Variants in RAI1 observed in about 807,000 individuals in gnomAD.
RAI1 encodes the protein retinoic acid-induced protein 1.
RAI1 carries 9 observed loss-of-function variants against 123.8 expected under a neutral mutation model. The ratio of observed to expected loss-of-function variants is 0.07; its 90% CI spans 0.04 to 0.13. The LOEUF is 0.13. RAI1 is among the 10% of genes least tolerant of loss of function. RAI1 has a pLI of 1.00. For synonymous variants in RAI1, 1,231 were observed against 1,127.3 expected, an observed-to-expected ratio of 1.09 and a Z score of -1.84; for missense variants, 2,256 against 2,545.8, an observed-to-expected ratio of 0.89 and a Z score of 2.45.
Position 17,799,053 on chromosome 17 carries a change from G to A in RAI1, c.5565+540G>A, listed in dbSNP as rs1419253965. 6.6e-6 allele frequency among the ~76,000 whole-genome samples: 1 copy of A among 152,150 alleles called. No homozygotes were observed. Among genetic ancestry groups the A allele is most frequent in the East Asian group, 1.9e-4 (1 of 5,192 alleles). On this transcript the variant is annotated intron_variant, in intron 3 of 5. Coordinates refer to ENST00000353383, the MANE Select transcript of RAI1 (RefSeq NM_030665.4). This position sits in a 1 kb window ranked among gnomAD's most constrained non-coding sequence, Gnocchi z 4.5. Reference sequence around the variant, plus strand: ...CTCCCTCTGCAGGACAGTCCATGGGGTCACACAGTCACAACAGGCAGGGCG... The same window carrying A: ...CTCCCTCTGCAGGACAGTCCATGGGATCACACAGTCACAACAGGCAGGGCG...
At chr17:17,715,629 T>G (rs1257556317) in intron 1 of RAI1, among the ~76,000 whole-genome samples, 9 of 152,134 alleles carry the variant, frequency 5.9e-5, no homozygotes, top group Non-Finnish European at 1.3e-4. Context: ...TGGTAGAAAT[T>G]CAGATAGCAC....
At chr17:17,764,756 G>A (rs1275756578) in intron 2 of RAI1, among the ~76,000 whole-genome samples, 1 of 152,162 alleles carries the variant, frequency 6.6e-6, no homozygotes, top group Non-Finnish European at 1.5e-5. Flanking sequence ...CTGCCACCAC[G>A]CCTAACTAAT....
chr17:17,773,290 T>TGGAGAGAAGGTGGAGGCTTCAGCA (rs2031230275), intron 2 of RAI1, among the ~76,000 whole-genome samples: 2 of 152,106 alleles, frequency 1.3e-5, no homozygotes, highest in African/African-American at 4.8e-5. Context: ...CAGGATGAGC[T>TGGAGAGAAGGTGGAGGCTTCAGCA]GGAGAGAAGG....
intron 2 of RAI1, among the ~76,000 whole-genome samples, chr17:17,792,017 G>T (rs1296569710): frequency 6.6e-6 from 1 of 152,200 alleles, no homozygotes; most frequent in Non-Finnish European, 1.5e-5. Flanking sequence ...GCCAGGAGGG[G>T]ACAGGGCTGT....
chr17:17,701,557 C>T (rs1915224715), intron 1 of RAI1, among the ~76,000 whole-genome samples: 1 of 151,916 alleles, frequency 6.6e-6, no homozygotes, highest in South Asian at 2.1e-4. Flanking sequence ...GTCCCCTTTC[C>T]CTCCCCTCTC....
rs149164900 is a variant in RAI1 at position 17,794,554 on chromosome 17, C to T, written c.1606C>T (p.Arg536Cys). The change falls in exon 3 of 6, where the codon CGT (arginine) becomes TGT (cysteine). Residue 536 changes from arginine to cysteine, a missense_variant. By Grantham distance (180) the Arg-to-Cys change is radical. Around this residue, in one of 7 missense-constraint regions of RAI1, gnomAD observed 357 missense variants for 480.2 expected, o/e 0.74. Transcript: ENST00000353383. ...CAGCTTCCTCTACTGCAACCAGGCC[C>T]GTGGCAGCCCTGCCAGGGTCAACAG... ...ERSFLYCNQA[R>C]GSPARVNSNS... The T allele has an allele frequency of 1.9e-5, 30 of 1,613,060 alleles. No individual in the cohort carries two copies. The highest frequency in any genetic ancestry group is 1.6e-4 in the Middle Eastern group (1 of 6,084).
At chr17:17,751,756 C>T (rs1165303302) in intron 2 of RAI1, among the ~76,000 whole-genome samples, 1 of 152,152 alleles carries the variant, frequency 6.6e-6, no homozygotes, top group East Asian at 1.9e-4. Flanking sequence ...TCTCAAATTA[C>T]CTCTCTTGAT....
rs1474011214 is a variant in RAI1, at chr17:17,809,239, T to G, written c.5660-151T>G. 16 of 768,708 alleles carry G rather than the reference T, an allele frequency of 2.1e-5. No homozygotes were observed. The highest frequency in any genetic ancestry group is 3.0e-5 in the Non-Finnish European group (13 of 431,944). 47.6% of individuals were successfully genotyped at this position (768,708 alleles called of 1,614,324 possible). A position where few individuals can be genotyped will look rare whatever the true frequency, so the allele number is the denominator to read the frequency against. On this transcript the variant is annotated intron_variant, in intron 4 of 5. Coordinates refer to ENST00000353383, the MANE Select transcript of RAI1 (RefSeq NM_030665.4). This position sits in a 1 kb window ranked among gnomAD's most constrained non-coding sequence, Gnocchi z 4.9. ...GTGGAGTGGAGTGGAGTGTGGAGGG[T>G]TTTGTGCAGAATCTGATTAACTCTT...
rs529752687 is a variant in RAI1 at position 17,810,140 on chromosome 17, C to G, written c.*159C>G. 2.2e-5 allele frequency: 24 copies of G among 1,084,368 alleles called. No individual in the cohort carries two copies. In the African/African-American group the frequency reaches 3.8e-4, roughly 17 times the overall value. 67.2% of individuals were successfully genotyped at this position (1,084,368 alleles called of 1,614,324 possible). A position where few individuals can be genotyped will look rare whatever the true frequency, so the allele number is the denominator to read the frequency against. ...GGTCCCGGATCGTGGATCCGGCCGC[C>G]TAGGGCTCAGACTTGCGGCCCCGGG... On this transcript the variant is annotated 3_prime_UTR_variant, in exon 6 of 6. Coordinates refer to ENST00000353383, the MANE Select transcript of RAI1 (RefSeq NM_030665.4). The surrounding 1 kb of genome is among the most constrained non-coding windows in gnomAD (Gnocchi z 4.6).
intron 2 of RAI1, chr17:17,778,507 C>G (rs1373529662): frequency 2.9e-6 from 1 of 347,446 alleles, no homozygotes; most frequent in Non-Finnish European, 5.7e-6. Flanking sequence ...TGCCCAAGGT[C>G]ACCCAGCATA....
intron 1 of RAI1, among the ~76,000 whole-genome samples, chr17:17,717,260 G>T (rs745674075): frequency 6.6e-6 from 1 of 152,186 alleles, no homozygotes; most frequent in Non-Finnish European, 1.5e-5. Context: ...TGGCCCAGGG[G>T]TAAGTTTGAG....
chr17:17,753,015 C>T (rs1359374047), intron 2 of RAI1, among the ~76,000 whole-genome samples: 1 of 152,206 alleles, frequency 6.6e-6, no homozygotes, highest in African/African-American at 2.4e-5. Context: ...TGTACTGGCC[C>T]GGGACTTGGG....
chr17:17,740,833 G>A (rs1008853127), intron 2 of RAI1, among the ~76,000 whole-genome samples: 6 of 152,188 alleles, frequency 3.9e-5, no homozygotes, highest in African/African-American at 1.4e-4. Flanking sequence ...AACAAAGCAG[G>A]CTGTGCTAGA....
chr17:17,729,911 G>T (rs1031896700), intron 2 of RAI1, among the ~76,000 whole-genome samples: 3 of 152,198 alleles, frequency 2.0e-5, no homozygotes, highest in African/African-American at 7.2e-5. Context: ...AGTGGGAGAA[G>T]GGAGAGATGT....
chr17:17,690,719 T>A (rs1914808814), intron 1 of RAI1, among the ~76,000 whole-genome samples: 1 of 152,208 alleles, frequency 6.6e-6, no homozygotes, highest in African/African-American at 2.4e-5. Context: ...ACCTGAAAGA[T>A]TTCTTAGGAG....
At chr17:17,698,401 C>T (rs374557967) in intron 1 of RAI1, among the ~76,000 whole-genome samples, 96 of 152,322 alleles carry the variant, frequency 6.3e-4, no homozygotes, top group African/African-American at 2.1e-3. Flanking sequence ...TGGGCGTTGT[C>T]TCTGTCCCCC....
intron 1 of RAI1, among the ~76,000 whole-genome samples, chr17:17,687,413 A>G (rs1914678918): frequency 6.6e-6 from 1 of 152,128 alleles, no homozygotes. Context: ...CTCCTTGGGC[A>G]TGAGAAACCA....
intron 1 of RAI1, among the ~76,000 whole-genome samples, chr17:17,692,757 A>G (rs1914883877): frequency 1.3e-5 from 2 of 152,132 alleles, no homozygotes; most frequent in African/African-American, 4.8e-5. Flanking sequence ...CTCTTTCCTC[A>G]TCTATCAAGT....
chr17:17,793,029 A>G lies in RAI1; in HGVS notation c.81A>G (p.Leu27=), dbSNP rs1422172383. The G allele has an allele frequency of 8.1e-6, 13 of 1,614,064 alleles. No individual in the cohort carries two copies. Among genetic ancestry groups the G allele is most frequent in the Non-Finnish European group, 3.4e-6 (4 of 1,180,028 alleles). The change falls in exon 3 of 6, where the codon CTA becomes CTG. Residue 27 remains leucine (L), a synonymous_variant. Transcript: ENST00000353383. The part of the protein sequence containing the change: ...YQQTSQETSR[L]ENYRQPSQAG... ...AGACCTCGCAGGAAACATCACGCCT[A>G]GAGAATTACAGGCAGCCGAGTCAGG...
Sources: allele counts gnomAD v4.1 joint callset (sites outside exome capture counted in the v4.1 genomes callset), GRCh38; gene constraint gnomAD v4.1.1; regional missense constraint gnomAD v4.1.1; non-coding constraint Gnocchi (gnomAD v3.1); transcripts MANE v1.5; gene names NCBI Gene and HGNC (gene_info 2026-07-23, HGNC 2026-07-21).